PTPRK: variants seen among roughly 807,000 people sequenced by gnomAD.
PTPRK encodes receptor-type tyrosine-protein phosphatase kappa.
Under a neutral mutation model 178.0 loss-of-function variants are expected in PTPRK, and 75 were observed. The ratio of observed to expected loss-of-function variants is 0.42; its 90% confidence interval spans 0.35 to 0.51. The LOEUF (loss-of-function observed/expected upper bound fraction) is 0.51, where lower values mean the gene tolerates loss of function less well. Ranked by LOEUF, PTPRK falls within the 20% of genes least tolerant of loss-of-function variation. The pLI is 0.02. For synonymous variants in PTPRK, 637 were observed against 620.6 expected, an observed-to-expected ratio of 1.03 and a Z score of -0.39; for missense variants, 1,441 against 1,797.8, an observed-to-expected ratio of 0.80 and a Z score of 3.59.
At chr6:128,179,843 T>C (rs1368279483) in intron 7 of PTPRK, among the ~76,000 whole-genome samples, 1 of 152,066 alleles carries the variant, frequency 6.6e-6, no homozygotes, top group African/African-American at 2.4e-5. Flanking sequence ...GCCTGAGTAT[T>C]ATTTTGTTTT....
chr6:128,152,540 C>A (rs1364129343), intron 7 of PTPRK, among the ~76,000 whole-genome samples: 3 of 145,694 alleles, frequency 2.1e-5, no homozygotes, highest in Non-Finnish European at 4.5e-5. Context: ...TTGGGTTTTG[C>A]AATGAGGCTG....
rs759805318 is a variant in PTPRK at position 128,240,056 on chromosome 6, C to T, written c.672G>A (p.Val224=). The part of the protein sequence containing the change: ...FQCIATGRDA[V]HNKLWLQRRN... ...TTACCTGGAGCCATAACTTGTTATG[C>T]ACAGCATCTCTCCCTGTGGCAATGC... The change falls in exon 5 of 30, where the codon GTG becomes GTA. Residue 224 remains valine (V), a synonymous_variant. Coordinates refer to ENST00000368226, the MANE Select transcript of PTPRK (RefSeq NM_002844.4). 6 of 1,614,016 alleles carry T rather than the reference C, an allele frequency of 3.7e-6. No homozygotes were observed. The South Asian group carries it at 6.6e-5, about 18-fold the overall frequency.
chr6:128,107,866 C>G (rs539445633), intron 7 of PTPRK, among the ~76,000 whole-genome samples: 1 of 152,278 alleles, frequency 6.6e-6, no homozygotes, highest in East Asian at 1.9e-4. Context: ...AGCAAGACAG[C>G]AGTCCCCTAC....
At chr6:128,312,560 T>C (rs960665214) in intron 3 of PTPRK, among the ~76,000 whole-genome samples, 4 of 152,176 alleles carry the variant, frequency 2.6e-5, no homozygotes, top group African/African-American at 7.2e-5. Context: ...GCTGCCAATG[T>C]GGATGTTTTA....
chr6:128,150,466 CA>C (rs1335959833), intron 7 of PTPRK, among the ~76,000 whole-genome samples: 4 of 152,090 alleles, frequency 2.6e-5, no homozygotes, highest in Non-Finnish European at 5.9e-5. Context: ...GAAGGGCCCA[CA>C]CTTTGAACTC....
intron 1 of PTPRK, among the ~76,000 whole-genome samples, chr6:128,453,654 T>C (rs1321865877): frequency 6.6e-6 from 1 of 152,166 alleles, no homozygotes; most frequent in Non-Finnish European, 1.5e-5. Context: ...TCTGATAAAG[T>C]TTGGCAAGAG....
intron 1 of PTPRK, among the ~76,000 whole-genome samples, chr6:128,488,133 C>T (rs547701092): frequency 6.6e-6 from 1 of 152,148 alleles, no homozygotes; most frequent in Non-Finnish European, 1.5e-5. Flanking sequence ...ATCTGAGAGC[C>T]CCTGGCAAAT....
At chr6:128,236,440 C>T (rs1813287963) in intron 5 of PTPRK, among the ~76,000 whole-genome samples, 1 of 151,082 alleles carries the variant, frequency 6.6e-6, no homozygotes, top group Non-Finnish European at 1.5e-5. Flanking sequence ...CCTCCGCCTC[C>T]CGGGTTCAAG....
intron 1 of PTPRK, among the ~76,000 whole-genome samples, chr6:128,486,871 G>A (rs1853005501): frequency 6.6e-6 from 1 of 150,888 alleles, no homozygotes; most frequent in Admixed American, 6.6e-5. Flanking sequence ...GAGGGAGGGA[G>A]GATTTATGAA....
chr6:128,236,493 C>T (rs577418371), intron 5 of PTPRK, among the ~76,000 whole-genome samples: 147 of 151,822 alleles, frequency 9.7e-4, no homozygotes, highest in African/African-American at 3.2e-3. Context: ...GGACTAGATG[C>T]GCGCACCACC....
intron 7 of PTPRK, among the ~76,000 whole-genome samples, chr6:128,150,958 A>G (rs1797160302): frequency 6.6e-6 from 1 of 152,170 alleles, no homozygotes; most frequent in Non-Finnish European, 1.5e-5. Context: ...AATGTCAGTT[A>G]TTATTACTGA....
At chr6:128,499,195 T>C in intron 1 of PTPRK, among the ~76,000 whole-genome samples, 1 of 152,022 alleles carries the variant, frequency 6.6e-6, no homozygotes, top group East Asian at 1.9e-4. Flanking sequence ...CAACATCCTG[T>C]CATAAAGAAG....
intron 11 of PTPRK, among the ~76,000 whole-genome samples, chr6:128,070,622 G>A (rs1485243352): frequency 2.6e-5 from 4 of 151,820 alleles, no homozygotes; most frequent in Non-Finnish European, 5.9e-5. Flanking sequence ...TAGATGGAAC[G>A]CTAGTTGGAG....
intron 1 of PTPRK, among the ~76,000 whole-genome samples, chr6:128,470,216 C>T (rs1451312117): frequency 6.6e-6 from 1 of 151,510 alleles, no homozygotes; most frequent in Non-Finnish European, 1.5e-5. Flanking sequence ...CTATTTCAGA[C>T]CCCATTAAAA....
At chr6:128,374,499 T>C (rs1836744335) in intron 2 of PTPRK, among the ~76,000 whole-genome samples, 2 of 152,150 alleles carry the variant, frequency 1.3e-5, no homozygotes, top group Non-Finnish European at 2.9e-5. Flanking sequence ...TCTCAGCTCA[T>C]GACTATTGTG....
chr6:128,215,260 C>T (rs1562804793), intron 6 of PTPRK, among the ~76,000 whole-genome samples: 1 of 152,138 alleles, frequency 6.6e-6, no homozygotes. Context: ...TCGGTTTAGA[C>T]AGATGGAAAC....
At position 128,261,033 on chromosome 6, in the gene PTPRK, CT is replaced by C. The variant is rs542421731; in HGVS notation, c.496-18432del. 1.9e-3 allele frequency among the ~76,000 whole-genome samples: 286 copies of C among 152,226 alleles called. 1 individual carries two copies. Among genetic ancestry groups the C allele is most frequent in the African/African-American group, 6.6e-3 (276 of 41,558 alleles). On this transcript the variant is annotated intron_variant, in intron 3 of 29. Coordinates refer to ENST00000368226, the MANE Select transcript of PTPRK (RefSeq NM_002844.4). ...TCCTGAGCTTATATAGCAATAGTTT[CT>C]GTTTTACCCCTCTTGATCTGTCAAT...
intron 2 of PTPRK, among the ~76,000 whole-genome samples, chr6:128,362,914 T>C (rs1002893385): frequency 1.3e-5 from 2 of 152,196 alleles, no homozygotes; most frequent in Admixed American, 1.3e-4. Context: ...AATGACACAG[T>C]ATAAATTAGA....
rs146941015 is a variant in PTPRK, at chr6:128,082,455, C to T, written c.1759G>A (p.Val587Ile). 1.6e-5 allele frequency: 25 copies of T among 1,609,846 alleles called. No homozygotes were observed. The African/African-American group carries it at 2.5e-4, about 16-fold the overall frequency. ...KGFGPATAIN[V>I]TTNISAPTLP... Reference sequence around the variant, plus strand: ...TGCATACCTGAGATATTGGTGGTGACATTGATGGCTGTGGCTGGACCAAAG... The same window carrying T: ...TGCATACCTGAGATATTGGTGGTGATATTGATGGCTGTGGCTGGACCAAAG... The change falls in exon 10 of 30, where the codon GTC (valine) becomes ATC (isoleucine). Residue 587 changes from valine (V) to isoleucine (I), a missense_variant. By Grantham distance (29) the Val-to-Ile change is conservative. Coordinates refer to ENST00000368226, the MANE Select transcript of PTPRK (RefSeq NM_002844.4).
Sources: gnomAD v4.1 joint callset for allele counts (sites outside exome capture counted in the v4.1 genomes callset) on GRCh38, gnomAD v4.1.1 for gene constraint, MANE v1.5 for transcripts, NCBI Gene and HGNC (gene_info 2026-07-23, HGNC 2026-07-21) for gene names.